Variants in PHF12 observed in about 807,000 individuals in gnomAD.
PHF12 encodes the protein PHD finger protein 12, also known as PHD factor 1.
Under a neutral mutation model 99.8 loss-of-function variants are expected in PHF12, and 6 were observed. The ratio of observed to expected loss-of-function variants is 0.06; its 90% CI spans 0.03 to 0.12. PHF12 has a LOEUF of 0.12. Among genes scored for constraint, PHF12 ranks in the 10% least tolerant of loss-of-function variants. PHF12 has a pLI of 1.00. For missense variants in PHF12, 954 were observed against 1,300.1 expected (o/e 0.73, Z 4.09); for synonymous variants, 480 against 514.9 (o/e 0.93, Z 0.92).
intron 2 of PHF12, among the ~76,000 whole-genome samples, chr17:28,937,942 A>C (rs2040538606): frequency 1.3e-5 from 2 of 152,124 alleles, no homozygotes. Context: ...CTCAACGGTA[A>C]TTTTCTCACA....
Position 28,911,135 on chromosome 17 carries a change from C to T in PHF12, c.2192G>A (p.Arg731Gln), listed in dbSNP as rs751514144. Residue 731 changes from arginine (R) to glutamine (Q), a missense_variant, in exon 10 of 15, where the codon CGA becomes CAA. By Grantham distance (43) the Arg-to-Gln change is conservative (BLOSUM62 1). This residue lies in a region of PHF12 where 143 missense variants were observed against 191.8 expected (regional missense o/e 0.75). Transcript: ENST00000332830. The stretch of plus-strand genomic sequence containing the variant: ...ACCTCCATTGACATCCATAAATGCT[C>T]GAAGTGAGTTGGTGAGGTCCACCAT... ...TAMVDLTNSL[R>Q]AFMDVNGEIE... 14 of 1,614,138 alleles carry T rather than the reference C, an allele frequency of 8.7e-6. No individual in the cohort carries two copies. Among genetic ancestry groups the T allele is most frequent in the South Asian group, 3.3e-5 (3 of 91,080 alleles).
chr17:28,935,764 A>G (rs1360606501), intron 2 of PHF12, among the ~76,000 whole-genome samples: 1 of 152,174 alleles, frequency 6.6e-6, no homozygotes, highest in Non-Finnish European at 1.5e-5. Flanking sequence ...ATACAAACCA[A>G]TTCCTAAAGC....
In PHF12 at chr17:28,950,868, G is replaced by A. The variant is rs770733314; in HGVS notation, c.66+27C>T. On this transcript the variant is annotated intron_variant, in intron 1 of 14. Coordinates refer to ENST00000332830, the MANE Select transcript of PHF12 (RefSeq NM_001033561.2). The surrounding 1 kb of genome is among the most constrained non-coding windows in gnomAD (Gnocchi z 5.7). ...CGGAGGTTCCCTCCCGGCGCTGGAG[G>A]AAGGAGATGAGGAGGGCCACTCTTA... 8 of 1,611,672 alleles carry A rather than the reference G, an allele frequency of 5.0e-6. No homozygotes were observed. The highest frequency in any genetic ancestry group is 1.1e-5 in the South Asian group (1 of 90,920).
chr17:28,913,285 G>A lies in PHF12; in HGVS notation c.1294-8C>T, dbSNP rs1444128567. On this transcript the variant is annotated splice_polypyrimidine_tract_variant and splice_region_variant and intron_variant, in intron 8 of 14. Coordinates refer to ENST00000332830, the MANE Select transcript of PHF12 (RefSeq NM_001033561.2). ...AACAACACTACAGAGCCACTGCAAT[G>A]GAAGGAGAGGAGAGGGGGGTGAGAA... 1 of 1,593,814 alleles carries A rather than the reference G, an allele frequency of 6.3e-7. No individual in the cohort carries two copies. The highest frequency in any genetic ancestry group is 2.2e-5 in the East Asian group (1 of 44,680).
chr17:28,911,029 C>T (rs1598118027), intron 10 of PHF12, 83 bp downstream of exon 10: 1 of 1,578,422 alleles, frequency 6.3e-7, no homozygotes, highest in Non-Finnish European at 8.6e-7. Flanking sequence ...CCTTCCCTCC[C>T]TTTCTGAAAT....
At chr17:28,942,357 A>T (rs2152677934) in intron 2 of PHF12, among the ~76,000 whole-genome samples, 1 of 152,084 alleles carries the variant, frequency 6.6e-6, no homozygotes, top group East Asian at 1.9e-4. Context: ...CTATCTCTAC[A>T]AAAAAAGGAA....
intron 2 of PHF12, among the ~76,000 whole-genome samples, chr17:28,943,347 C>T (rs930020780): frequency 1.3e-5 from 2 of 152,056 alleles, no homozygotes; most frequent in Non-Finnish European, 2.9e-5. Context: ...AACTTGCACC[C>T]TGGCTGGCAC....
Position 28,951,481 on chromosome 17 carries a change from A to C in PHF12, c.-521T>G. ...CGCAAACTTACCGCGAGCGCCCGCA[A>C]AGCCACCCGCGCAGGCGCCCCGGGA... On this transcript the variant is annotated 5_prime_UTR_variant, in exon 1 of 15. Transcript: ENST00000332830. The C allele has an allele frequency of 2.0e-6, 2 of 985,392 alleles. No homozygotes were observed. The highest frequency in any genetic ancestry group is 1.2e-6 in the Non-Finnish European group (1 of 829,910). The allele number at this position is 985,392 out of a possible 1,614,324, so 61.0% of individuals were successfully genotyped here.
intron 11 of PHF12, chr17:28,909,506 G>T (rs1443620540): frequency 6.5e-6 from 1 of 153,216 alleles, no homozygotes; most frequent in Non-Finnish European, 1.5e-5. Flanking sequence ...ATTTCCAGAA[G>T]GTTGGCCTAG....
chr17:28,941,694 C>G (rs895064620), intron 2 of PHF12, among the ~76,000 whole-genome samples: 1 of 152,092 alleles, frequency 6.6e-6, no homozygotes. Context: ...ACCTCCACCT[C>G]CCGGGTTCAA....
At position 28,905,606 on chromosome 17, in the gene PHF12, A is replaced by G. The variant is rs2039859146; in HGVS notation, c.*577T>C. The G allele has an allele frequency of 6.6e-6, 1 of 152,598 alleles. No homozygotes were observed. The highest frequency in any genetic ancestry group is 1.5e-5 in the Non-Finnish European group (1 of 68,044). 9.5% of individuals were successfully genotyped at this position (152,598 alleles called of 1,614,324 possible). A position where few individuals can be genotyped will look rare whatever the true frequency, so the allele number is the denominator to read the frequency against. ...AGATGGACAGCCAGAAAAAGAATTC[A>G]TTTCTCATTTGTCCATAATACACAG... On this transcript the variant is annotated 3_prime_UTR_variant, in exon 15 of 15. Coordinates refer to ENST00000332830, the MANE Select transcript of PHF12 (RefSeq NM_001033561.2).
chr17:28,950,360 C>T lies in PHF12; in HGVS notation c.67-114G>A, dbSNP rs2040787574. ...CCTCTCCCCCCTTTTGTCCTTCTTC[C>T]TCCCATCCAGGCTGCTCCCAGAATC... On this transcript the variant is annotated intron_variant, in intron 1 of 14. Transcript: ENST00000332830. This position sits in a 1 kb window ranked among gnomAD's most constrained non-coding sequence, Gnocchi z 5.7. 8.3e-7 allele frequency: 1 copy of T among 1,210,884 alleles called. No homozygotes were observed. The highest frequency in any genetic ancestry group is 1.1e-6 in the Non-Finnish European group (1 of 885,482). The allele number at this position is 1,210,884 out of a possible 1,614,324, so 75.0% of individuals were successfully genotyped here. A position where few individuals can be genotyped will look rare whatever the true frequency, so the allele number is the denominator to read the frequency against.
chr17:28,930,402 T>C (rs1598147280), intron 2 of PHF12, among the ~76,000 whole-genome samples: 1 of 152,196 alleles, frequency 6.6e-6, no homozygotes, highest in Non-Finnish European at 1.5e-5. Context: ...ATGTAGTAAG[T>C]ACTCAATAAA....
chr17:28,931,437 A>G (rs1306360293), intron 2 of PHF12, among the ~76,000 whole-genome samples: 1 of 147,784 alleles, frequency 6.8e-6, no homozygotes, highest in Non-Finnish European at 1.5e-5. Context: ...TTATATTTTT[A>G]GTAGAGATGG....
At chr17:28,930,754 A>C (rs1161463498) in intron 2 of PHF12, among the ~76,000 whole-genome samples, 1 of 152,202 alleles carries the variant, frequency 6.6e-6, no homozygotes, top group South Asian at 2.1e-4. Context: ...CTAAAGGATC[A>C]CTTTTAGAGT....
chr17:28,941,617 C>G (rs1455710689), intron 2 of PHF12, among the ~76,000 whole-genome samples: 2 of 148,672 alleles, frequency 1.3e-5, no homozygotes, highest in Non-Finnish European at 3.0e-5. Context: ...CAATTAAAAT[C>G]TTTTTTTTTT....
chr17:28,907,044 G>A, intron 13 of PHF12, 50 bp from the exon 14 acceptor site: 1 of 1,547,814 alleles, frequency 6.5e-7, no homozygotes, highest in Non-Finnish European at 8.8e-7. Flanking sequence ...TGTGGGGCCT[G>A]GGGCTAAGGG....
At chr17:28,944,452 G>C in intron 2 of PHF12, 1 of 944,418 alleles carries the variant, frequency 1.1e-6, no homozygotes, top group South Asian at 4.9e-5. Flanking sequence ...TAGCCCCTAA[G>C]CCCTACATTA....
intron 11 of PHF12, chr17:28,909,785 C>T (rs2039927853): frequency 2.2e-6 from 1 of 453,472 alleles, no homozygotes; most frequent in Non-Finnish European, 4.0e-6. Flanking sequence ...GAGATAGGGT[C>T]TCACTGTGTT....
Sources: gnomAD v4.1 joint callset for allele counts (sites outside exome capture counted in the v4.1 genomes callset) on GRCh38, gnomAD v4.1.1 for gene constraint, gnomAD v4.1.1 regional missense constraint, Gnocchi (gnomAD v3.1) non-coding constraint, MANE v1.5 for transcripts, NCBI Gene and HGNC (gene_info 2026-07-23, HGNC 2026-07-21) for gene names.